The following NFATC1 variants were observed in gnomAD, a reference collection of about 807,000 sequenced individuals.
The protein encoded by NFATC1 is nuclear factor of activated T cells 1.
Under a neutral mutation model 76.0 loss-of-function variants are expected in NFATC1, and 22 were observed. That is an observed-to-expected ratio of 0.29 (90% CI 0.21 to 0.41). NFATC1 has a LOEUF of 0.41. Ranked by LOEUF, NFATC1 falls within the 10% of genes least tolerant of loss-of-function variation. NFATC1 has a pLI of 1.00. For missense variants in NFATC1, 1,357 were observed against 1,337.7 expected (o/e 1.01, Z -0.23); for synonymous variants, 704 against 613.1 (o/e 1.15, Z -2.19).
At chr18:79,473,907 G>A (rs1367524150) in intron 8 of NFATC1, among the ~76,000 whole-genome samples, 3 of 139,560 alleles carry the variant, frequency 2.1e-5, no homozygotes, top group Admixed American at 7.1e-5. Context: ...TCGACGTTGT[G>A]AGGGAAGCGT....
rs776050220 is a variant in NFATC1 at position 79,410,484 on chromosome 18, ACAACCTTCAGACCTCCAC to A, written c.210_227del (p.His70_Thr76delinsGln). ...CACTCCACCCTGCCGGCCCCGTGCC[ACAACCTTCAGACCTCCAC>A]ACCGGGCATCATCCCGCCGGCGGAT... On this transcript the variant is annotated inframe_deletion, in exon 2 of 10. Coordinates refer to ENST00000427363, the MANE Select transcript of NFATC1 (RefSeq NM_001278669.2). The surrounding 1 kb of genome is among the most constrained non-coding windows in gnomAD (Gnocchi z 6.7). 5 of 1,612,060 alleles carry A rather than the reference ACAACCTTCAGACCTCCAC, an allele frequency of 3.1e-6. No individual in the cohort carries two copies. The East Asian group carries it at 1.1e-4, about 36-fold the overall frequency.
intron 9 of NFATC1, among the ~76,000 whole-genome samples, chr18:79,492,572 G>A (rs182987496): frequency 8.1e-4 from 123 of 152,240 alleles, no homozygotes; most frequent in Non-Finnish European, 1.3e-3. Context: ...AGCCGGGAGT[G>A]GTGGCGGGCG....
intron 9 of NFATC1, among the ~76,000 whole-genome samples, chr18:79,508,831 GT>G (rs2090178619): frequency 6.6e-6 from 1 of 150,656 alleles, no homozygotes; most frequent in South Asian, 2.1e-4. Flanking sequence ...CTCCCTCCGT[GT>G]GTCTCTGTCT....
At chr18:79,437,909 C>G (rs1222229950) in intron 3 of NFATC1, among the ~76,000 whole-genome samples, 1 of 152,266 alleles carries the variant, frequency 6.6e-6, no homozygotes, top group Non-Finnish European at 1.5e-5. Context: ...CAGCCGGCAT[C>G]AGGATGGTCT....
chr18:79,396,401 C>T (rs1353638462), intron 1 of NFATC1, 50 bp downstream of exon 1: 29 of 1,121,732 alleles, frequency 2.6e-5, no homozygotes, highest in African/African-American at 3.3e-5. Flanking sequence ...CCCCACGGCC[C>T]GGGCCGCGCC....
At chr18:79,417,895 TGGTGGGA>T (rs968319054) in intron 2 of NFATC1, among the ~76,000 whole-genome samples, 3 of 134,952 alleles carry the variant, frequency 2.2e-5, no homozygotes, top group African/African-American at 8.5e-5. Context: ...AGATGGGCTG[TGGTGGGA>T]GATGGGAGAT....
At chr18:79,479,107 C>T (rs921120601) in intron 8 of NFATC1, among the ~76,000 whole-genome samples, 11 of 152,252 alleles carry the variant, frequency 7.2e-5, no homozygotes, top group African/African-American at 2.7e-4. Context: ...GGCCAGCACT[C>T]GCCTTCCACA....
chr18:79,435,830 C>G lies in NFATC1; in HGVS notation c.1386+2092C>G, dbSNP rs908068190. On this transcript the variant is annotated intron_variant, in intron 3 of 9. Transcript: ENST00000427363. The stretch of plus-strand genomic sequence containing the variant: ...AGCGACACGGGAGAGGCTGGCTCTG[C>G]GTTTCCACAGAAGGAGCCCTTTCCA... 1.1e-4 allele frequency among the ~76,000 whole-genome samples: 16 copies of G among 152,338 alleles called. No homozygotes were observed. The South Asian group carries it at 3.1e-3, about 30-fold the overall frequency.
intron 2 of NFATC1, among the ~76,000 whole-genome samples, chr18:79,431,168 A>G (rs964683841): frequency 1.3e-5 from 2 of 152,264 alleles, no homozygotes; most frequent in Non-Finnish European, 2.9e-5. Context: ...TGCCAGGTGC[A>G]TCTTTGGATA....
intron 1 of NFATC1, chr18:79,400,167 T>C (rs1233934267): frequency 9.1e-7 from 1 of 1,098,886 alleles, no homozygotes; most frequent in Non-Finnish European, 1.1e-6. Context: ...GACACGAGTT[T>C]ATTTAAAAAC....
chr18:79,440,380 G>T (rs2086927421), intron 3 of NFATC1, among the ~76,000 whole-genome samples: 1 of 152,234 alleles, frequency 6.6e-6, no homozygotes, highest in Non-Finnish European at 1.5e-5. Flanking sequence ...TTTGGTGCAG[G>T]TGGGACAGGA....
chr18:79,498,353 A>ATT (rs2089944455), intron 9 of NFATC1: 149 of 149,554 alleles, frequency 1.0e-3, no homozygotes, highest in African/African-American at 2.8e-3. Flanking sequence ...AGATTTTTAA[A>ATT]AAAAAAAAAA....
At chr18:79,401,656 G>C (rs188270002) in intron 1 of NFATC1, among the ~76,000 whole-genome samples, 1 of 152,244 alleles carries the variant, frequency 6.6e-6, no homozygotes, top group Admixed American at 6.5e-5. Flanking sequence ...CCATGCGAGA[G>C]TGTCGCCCCA....
intron 6 of NFATC1, among the ~76,000 whole-genome samples, chr18:79,457,271 G>A (rs1366468835): frequency 6.6e-6 from 1 of 152,210 alleles, no homozygotes; most frequent in East Asian, 1.9e-4. Flanking sequence ...TCTTCCTCAT[G>A]CCCTGAGGAT....
Position 79,451,669 on chromosome 18 carries a change from G to A in NFATC1, c.1763-7G>A, listed in dbSNP as rs2087480254. The A allele has an allele frequency of 1.3e-6, 2 of 1,586,866 alleles. No individual in the cohort carries two copies. The highest frequency in any genetic ancestry group is 1.7e-6 in the Non-Finnish European group (2 of 1,165,188). ...AGGCCCTCACTGCCCCTCTCCTTCT[G>A]ATGCAGCCCAGCGCTCAGCTCAGGA... On this transcript the variant is annotated splice_polypyrimidine_tract_variant and splice_region_variant and intron_variant, in intron 5 of 9. Coordinates refer to ENST00000427363, the MANE Select transcript of NFATC1 (RefSeq NM_001278669.2).
chr18:79,454,939 T>C (rs115536580), intron 6 of NFATC1, among the ~76,000 whole-genome samples: 3,162 of 151,890 alleles, frequency 0.021, 111 homozygotes, highest in African/African-American at 0.073. Flanking sequence ...TGTGTTCCGA[T>C]GTGAGGCACC....
intron 3 of NFATC1, among the ~76,000 whole-genome samples, chr18:79,437,308 G>T (rs897122959): frequency 5.3e-5 from 8 of 152,222 alleles, no homozygotes; most frequent in Non-Finnish European, 1.2e-4. Flanking sequence ...GACTCACCTT[G>T]CCCTGGTAGA....
intron 6 of NFATC1, among the ~76,000 whole-genome samples, chr18:79,458,411 C>T (rs1036126626): frequency 6.6e-6 from 1 of 152,190 alleles, no homozygotes; most frequent in Non-Finnish European, 1.5e-5. Context: ...CTTCCACCAG[C>T]GGCCCTCGTG....
chr18:79,430,188 T>C (rs539358909), intron 2 of NFATC1, among the ~76,000 whole-genome samples: 5 of 152,250 alleles, frequency 3.3e-5, no homozygotes, highest in African/African-American at 9.6e-5. Flanking sequence ...CTTATTCTTA[T>C]GTAATAGTCA....
Sources: allele counts gnomAD v4.1 joint callset (sites outside exome capture counted in the v4.1 genomes callset), GRCh38; gene constraint gnomAD v4.1.1; non-coding constraint Gnocchi (gnomAD v3.1); transcripts MANE v1.5; gene names NCBI Gene and HGNC (gene_info 2026-07-23, HGNC 2026-07-21).